The following ZKSCAN3 variants were observed in gnomAD, a reference collection of about 807,000 sequenced individuals.
ZKSCAN3 encodes zinc finger with KRAB and SCAN domains 3.
Under a neutral mutation model 30.7 loss-of-function variants are expected in ZKSCAN3, and 21 were observed. The observed-to-expected ratio is 0.68, with a 90% CI of 0.49 to 0.99. The LOEUF (loss-of-function observed/expected upper bound fraction) is 0.99. Ranked by LOEUF, ZKSCAN3 falls within the 50% of genes least tolerant of loss-of-function variation. The pLI, the probability that ZKSCAN3 is intolerant of heterozygous loss-of-function variation, is 0.00. For synonymous variants in ZKSCAN3, 201 were observed against 246.7 expected, an observed-to-expected ratio of 0.81 and a Z score of 1.73; for missense variants, 507 against 647.1, an observed-to-expected ratio of 0.78 and a Z score of 2.35.
chr6:28,362,779 T>G (rs1765816034), intron 3 of ZKSCAN3, among the ~76,000 whole-genome samples: 1 of 152,202 alleles, frequency 6.6e-6, no homozygotes, highest in South Asian at 2.1e-4. Flanking sequence ...TTACTTTGCC[T>G]TTCATAGCCC....
Position 28,363,689 on chromosome 6 carries a change from T to C in ZKSCAN3, c.634-3T>C. On this transcript the variant is annotated splice_region_variant and splice_polypyrimidine_tract_variant and intron_variant, in intron 4 of 5. Transcript: ENST00000252211. ...TCTTCAATGGGATTACCTATTGTTT[T>C]AGGGGTTGTTGAAAGTGGAAGATGT... 1.2e-6 allele frequency: 2 copies of C among 1,614,068 alleles called. No individual in the cohort carries two copies. Among genetic ancestry groups the C allele is most frequent in the Non-Finnish European group, 1.7e-6 (2 of 1,179,956 alleles).
intron 1 of ZKSCAN3, among the ~76,000 whole-genome samples, chr6:28,358,899 GAAAAAAAAAAAAAA>G (rs201554097): frequency 1.9e-5 from 2 of 106,076 alleles, no homozygotes; most frequent in African/African-American, 6.7e-5. Flanking sequence ...AAACAAATAA[GAAAAAAAAAAAAAA>G]AAAAAAAAAA....
chr6:28,365,681 G>C lies in ZKSCAN3; in HGVS notation c.1013G>C (p.Gly338Ala). The change falls in exon 6 of 6, where the codon GGT (glycine) becomes GCT (alanine). Residue 338 changes from glycine to alanine, a missense_variant. By Grantham distance (60) the Gly-to-Ala change is moderately conservative (BLOSUM62 0). Coordinates refer to ENST00000252211, the MANE Select transcript of ZKSCAN3 (RefSeq NM_024493.4). ...AGTAAACACAGGAGAATCCACACTGGTGAGAAACCCTACGAATGTGAAGAG... is the reference window on the plus strand; with the variant it reads ...AGTAAACACAGGAGAATCCACACTGCTGAGAAACCCTACGAATGTGAAGAG... Reference protein sequence around the residue: ...GLSKHRRIHTGEKPYECEECG... With the variant: ...GLSKHRRIHTAEKPYECEECG... 6.2e-7 allele frequency: 1 copy of C among 1,614,188 alleles called. No individual in the cohort carries two copies. Among genetic ancestry groups the C allele is most frequent in the Non-Finnish European group, 8.5e-7 (1 of 1,180,006 alleles).
At position 28,366,386 on chromosome 6, in the gene ZKSCAN3, C is replaced by T; in HGVS notation, c.*101C>T. 2.3e-5 allele frequency: 29 copies of T among 1,274,500 alleles called. No individual in the cohort carries two copies. The highest frequency in any genetic ancestry group is 3.0e-5 in the Non-Finnish European group (29 of 952,190). 78.9% of individuals were successfully genotyped at this position (1,274,500 alleles called of 1,614,324 possible). A position where few individuals can be genotyped will look rare whatever the true frequency, so the allele number is the denominator to read the frequency against. On this transcript the variant is annotated 3_prime_UTR_variant, in exon 6 of 6. Coordinates refer to ENST00000252211, the MANE Select transcript of ZKSCAN3 (RefSeq NM_024493.4). ...GAAATTGTGGGCTGGGCTTTATTTA[C>T]CACTACACATTATCAGGTGTTAGAA...
chr6:28,363,705 T>A lies in ZKSCAN3; in HGVS notation c.647T>A (p.Val216Glu). 4 of 1,614,042 alleles carry A rather than the reference T, an allele frequency of 2.5e-6. No homozygotes were observed. In the East Asian group the frequency reaches 8.9e-5, roughly 36 times the overall value. ...CTATTGTTTTAGGGGTTGTTGAAAGTGGAAGATGTGGCCCTGACCCTCACC... is the reference window on the plus strand; with the variant it reads ...CTATTGTTTTAGGGGTTGTTGAAAGAGGAAGATGTGGCCCTGACCCTCACC... ...LTPESQGLLK[V>E]EDVALTLTPE... The change falls in exon 5 of 6, where the codon GTG becomes GAG. Residue 216 changes from valine (V) to glutamate (E), a missense_variant. Val to Glu is a moderately radical substitution (Grantham distance 121). Coordinates refer to ENST00000252211, the MANE Select transcript of ZKSCAN3 (RefSeq NM_024493.4).
At chr6:28,357,391 C>T (rs535151529) in intron 1 of ZKSCAN3, among the ~76,000 whole-genome samples, 12 of 152,286 alleles carry the variant, frequency 7.9e-5, no homozygotes, top group African/African-American at 2.4e-4. Flanking sequence ...AGGATTTTGA[C>T]GACCTCAGGA....
At chr6:28,352,833 C>T (rs976208994) in intron 1 of ZKSCAN3, among the ~76,000 whole-genome samples, 1 of 152,178 alleles carries the variant, frequency 6.6e-6, no homozygotes. Flanking sequence ...TCCTAATTTC[C>T]TTCTATTCCC....
chr6:28,359,247 C>G (rs1765629103), intron 1 of ZKSCAN3, among the ~76,000 whole-genome samples: 1 of 152,120 alleles, frequency 6.6e-6, no homozygotes, highest in African/African-American at 2.4e-5. Flanking sequence ...CTGAGAGGAG[C>G]TTCCTAGAGA....
intron 1 of ZKSCAN3, chr6:28,354,126 C>T: frequency 2.7e-6 from 1 of 364,022 alleles, no homozygotes; most frequent in Non-Finnish European, 5.4e-6. Flanking sequence ...TAATTCCTGG[C>T]TCACCTCTGT....
At chr6:28,358,541 A>G (rs182178244) in intron 1 of ZKSCAN3, among the ~76,000 whole-genome samples, 1 of 152,248 alleles carries the variant, frequency 6.6e-6, no homozygotes, top group Admixed American at 6.5e-5. Flanking sequence ...TATAGAATCA[A>G]CTGTATTAGT....
At chr6:28,352,728 C>T (rs757207740) in intron 1 of ZKSCAN3, among the ~76,000 whole-genome samples, 2 of 152,278 alleles carry the variant, frequency 1.3e-5, no homozygotes, top group African/African-American at 2.4e-5. Context: ...ATTATTAGCT[C>T]ATGTAGGAGT....
At chr6:28,353,351 C>A (rs962421225) in intron 1 of ZKSCAN3, 3 of 154,026 alleles carry the variant, frequency 1.9e-5, no homozygotes, top group Non-Finnish European at 4.3e-5. Context: ...ATTTTGCAGT[C>A]ACTCACTTCT....
intron 3 of ZKSCAN3, 80 bp downstream of exon 3, chr6:28,361,551 A>G: frequency 6.7e-7 from 1 of 1,500,714 alleles, no homozygotes; most frequent in Non-Finnish European, 9.0e-7. Context: ...AAATTCATTG[A>G]TAGGGGGCTT....
chr6:28,361,508 A>G, intron 3 of ZKSCAN3, 37 bp downstream of exon 3: 1 of 1,566,780 alleles, frequency 6.4e-7, no homozygotes, highest in Non-Finnish European at 8.6e-7. Context: ...AATTCTGCAG[A>G]CTTCATCCAA....
chr6:28,359,436 A>C (rs1225302798), intron 1 of ZKSCAN3, 89 bp from the exon 2 acceptor site: 1 of 947,516 alleles, frequency 1.1e-6, no homozygotes, highest in Non-Finnish European at 1.5e-6. Flanking sequence ...TTTCTGCAGC[A>C]GTTCCCCAGA....
intron 1 of ZKSCAN3, among the ~76,000 whole-genome samples, chr6:28,357,843 C>G (rs985468345): frequency 5.9e-5 from 9 of 152,210 alleles, no homozygotes; most frequent in African/African-American, 2.2e-4. Context: ...GCCTTCAGCC[C>G]AAAGATCCGA....
chr6:28,366,879 C>T lies in ZKSCAN3; in HGVS notation c.*594C>T, dbSNP rs760921719. ...GTGACTCAATCTAGTGTGTTTCTTACCAAGTACATAGGCAGAGCAGGGTTA... is the reference window on the plus strand; with the variant it reads ...GTGACTCAATCTAGTGTGTTTCTTATCAAGTACATAGGCAGAGCAGGGTTA... On this transcript the variant is annotated 3_prime_UTR_variant, in exon 6 of 6. Transcript: ENST00000252211. 3 of 152,462 alleles carry T rather than the reference C, an allele frequency of 2.0e-5. No individual in the cohort carries two copies. The highest frequency in any genetic ancestry group is 2.9e-5 in the Non-Finnish European group (2 of 68,070). 9.4% of individuals were successfully genotyped at this position (152,462 alleles called of 1,614,324 possible). A position where few individuals can be genotyped will look rare whatever the true frequency, so the allele number is the denominator to read the frequency against.
chr6:28,365,215 G>A (rs542579609), intron 5 of ZKSCAN3, among the ~76,000 whole-genome samples: 95 of 151,938 alleles, frequency 6.3e-4, no homozygotes, highest in Middle Eastern at 3.4e-3. Context: ...TCCACTCCCA[G>A]TGTGTACCTT....
chr6:28,358,780 A>G (rs984391206), intron 1 of ZKSCAN3, among the ~76,000 whole-genome samples: 10 of 151,666 alleles, frequency 6.6e-5, no homozygotes, highest in Non-Finnish European at 1.5e-4. Flanking sequence ...GCTTCTTGGG[A>G]GGCTGAGGCA....
Sources: gnomAD v4.1 joint callset for allele counts (sites outside exome capture counted in the v4.1 genomes callset) on GRCh38, gnomAD v4.1.1 for gene constraint, MANE v1.5 for transcripts, NCBI Gene and HGNC (gene_info 2026-07-23, HGNC 2026-07-21) for gene names.